The following STK17A variants were observed in gnomAD, a reference collection of about 807,000 sequenced individuals.
STK17A encodes the protein serine/threonine-protein kinase 17A.
Under a neutral mutation model 43.7 loss-of-function variants are expected in STK17A, and 26 were observed. That is an observed-to-expected ratio of 0.60 (90% CI 0.44 to 0.83). The LOEUF is 0.83. STK17A is among the 40% of genes least tolerant of loss of function. The probability of loss-of-function intolerance (pLI) is 0.00; values close to 1 mark genes in which losing one functional copy is unlikely to be tolerated. For missense variants in STK17A, 476 were observed against 511.6 expected, an observed-to-expected ratio of 0.93 and a Z score of 0.67; for synonymous variants, 191 against 182.5, an observed-to-expected ratio of 1.05 and a Z score of -0.38.
chr7:43,597,151 C>T (rs1044137662), intron 2 of STK17A, among the ~76,000 whole-genome samples: 2 of 152,130 alleles, frequency 1.3e-5, no homozygotes, highest in African/African-American at 4.8e-5. Flanking sequence ...CTTGCAAATA[C>T]ACACAAACAC....
intron 3 of STK17A, among the ~76,000 whole-genome samples, chr7:43,615,509 C>G (rs541221889): frequency 6.6e-6 from 1 of 151,996 alleles, no homozygotes; most frequent in Non-Finnish European, 1.5e-5. Context: ...TATTAACATA[C>G]GAAAACTAAA....
At chr7:43,611,293 A>C (rs1053987436) in intron 3 of STK17A, among the ~76,000 whole-genome samples, 1 of 152,194 alleles carries the variant, frequency 6.6e-6, no homozygotes, top group East Asian at 1.9e-4. Flanking sequence ...ACAATGTGGA[A>C]GTTTTCTTGT....
chr7:43,587,154 G>GTTTTTT (rs71011929), intron 1 of STK17A, among the ~76,000 whole-genome samples: 41 of 112,064 alleles, frequency 3.7e-4, no homozygotes, highest in South Asian at 5.9e-4. Flanking sequence ...ATTGTTTTTT[G>GTTTTTT]TTTTTTTTTT....
In STK17A at chr7:43,595,988, C is replaced by A; in HGVS notation, c.294C>A (p.Gly98=). Residue 98 remains glycine (G), a synonymous_variant, in exon 2 of 7, where the codon GGC becomes GGA. Coordinates refer to ENST00000319357, the MANE Select transcript of STK17A (RefSeq NM_004760.3). ...AGTTCATGAGAAAAAGAAGAAAAGG[C>A]CAAGATTGTCGGATGGAAATAATTC... is the stretch of plus-strand genomic sequence containing the variant. ...AAKFMRKRRK[G]QDCRMEIIHE... is the part of the protein sequence containing the mutation. The A allele has an allele frequency of 1.2e-6, 2 of 1,613,858 alleles. No homozygotes were observed. The highest frequency in any genetic ancestry group is 1.7e-4 in the Middle Eastern group (1 of 6,054).
intron 3 of STK17A, among the ~76,000 whole-genome samples, chr7:43,610,624 G>A (rs1469152619): frequency 2.0e-5 from 3 of 152,052 alleles, no homozygotes; most frequent in Non-Finnish European, 4.4e-5. Context: ...CTGAGATCAC[G>A]CCATTGCACT....
intron 4 of STK17A, among the ~76,000 whole-genome samples, chr7:43,621,849 C>T (rs2083924505): frequency 7.2e-6 from 1 of 139,354 alleles, no homozygotes; most frequent in East Asian, 2.1e-4. Flanking sequence ...AAGGGACTCT[C>T]CTCTTTTTCC....
chr7:43,606,993 G>A (rs907312373), intron 2 of STK17A, among the ~76,000 whole-genome samples: 2 of 137,936 alleles, frequency 1.4e-5, no homozygotes, highest in Admixed American at 8.1e-5. Context: ...GTGTGATCTC[G>A]GTTCATCCCA....
chr7:43,586,079 A>C (rs2082437165), intron 1 of STK17A, among the ~76,000 whole-genome samples: 1 of 151,588 alleles, frequency 6.6e-6, no homozygotes, highest in South Asian at 2.1e-4. Context: ...CCAACAATTA[A>C]CTCTGGTTGC....
intron 3 of STK17A, among the ~76,000 whole-genome samples, chr7:43,618,246 C>T (rs534021282): frequency 6.6e-6 from 1 of 152,190 alleles, no homozygotes; most frequent in South Asian, 2.1e-4. Flanking sequence ...GCAGGGGAGG[C>T]CAGGGCAGGC....
intron 1 of STK17A, among the ~76,000 whole-genome samples, chr7:43,583,679 G>A (rs545642897): frequency 1.0e-3 from 155 of 152,338 alleles, no homozygotes; most frequent in African/African-American, 3.6e-3. Flanking sequence ...GTAACTCGAT[G>A]GCGGTCCCGG....
intron 2 of STK17A, among the ~76,000 whole-genome samples, chr7:43,596,867 CAAAA>C (rs34131847): frequency 1.1e-4 from 12 of 106,600 alleles, no homozygotes; most frequent in Non-Finnish European, 9.3e-5. Context: ...GACTCCATCT[CAAAA>C]AAAAAAAAAA....
intron 5 of STK17A, 29 bp from the exon 6 acceptor site, chr7:43,623,680 A>G (rs763070066): frequency 1.2e-6 from 2 of 1,602,208 alleles, no homozygotes; most frequent in Non-Finnish European, 1.7e-6. Flanking sequence ...ATGGTACTAA[A>G]TTTTTCTTGC....
chr7:43,608,556 G>A (rs1306857300), intron 3 of STK17A, 156 bp downstream of exon 3: 3 of 778,922 alleles, frequency 3.9e-6, no homozygotes, highest in Non-Finnish European at 5.9e-6. Flanking sequence ...TAGCCAGTTA[G>A]TTTTATCAGG....
intron 1 of STK17A, among the ~76,000 whole-genome samples, chr7:43,589,331 A>T (rs747403767): frequency 6.6e-6 from 1 of 151,522 alleles, no homozygotes; most frequent in Non-Finnish European, 1.5e-5. Flanking sequence ...TATAAGATTG[A>T]CATAAATATA....
chr7:43,608,992 GAAAAAC>G (rs2082656985), intron 3 of STK17A: 1 of 152,276 alleles, frequency 6.6e-6, no homozygotes, highest in South Asian at 2.1e-4. Flanking sequence ...AGGAAGGAAA[GAAAAAC>G]AAAGGACAGT....
chr7:43,590,143 G>A (rs1398919749), intron 1 of STK17A, among the ~76,000 whole-genome samples: 4 of 150,438 alleles, frequency 2.7e-5, no homozygotes, highest in East Asian at 1.9e-4. Context: ...ACAAGATTTC[G>A]CCACGTTGCC....
intron 3 of STK17A, among the ~76,000 whole-genome samples, chr7:43,611,206 A>G (rs1044425916): frequency 1.3e-5 from 2 of 152,244 alleles, no homozygotes; most frequent in African/African-American, 4.8e-5. Context: ...TTAGGTGGAA[A>G]GGTAGTTTCT....
chr7:43,584,784 G>A (rs1468084959), intron 1 of STK17A, among the ~76,000 whole-genome samples: 2 of 152,176 alleles, frequency 1.3e-5, no homozygotes, highest in Admixed American at 6.5e-5. Flanking sequence ...TCACTGCTAG[G>A]CCCTAGTTGA....
At chr7:43,622,367 G>C (rs192183685) in intron 4 of STK17A, 1 of 152,068 alleles carries the variant, frequency 6.6e-6, no homozygotes, top group Non-Finnish European at 1.5e-5. Context: ...TTCTATGGGG[G>C]TTTGTCACAA....
Sources: gnomAD v4.1 joint callset for allele counts (sites outside exome capture counted in the v4.1 genomes callset) on GRCh38, gnomAD v4.1.1 for gene constraint, MANE v1.5 for transcripts, NCBI Gene and HGNC (gene_info 2026-07-23, HGNC 2026-07-21) for gene names.